The following CACNA1H variants were observed in gnomAD, a reference collection of about 807,000 sequenced individuals.
CACNA1H encodes the protein voltage-dependent T-type calcium channel subunit alpha-1H.
In CACNA1H, 149 loss-of-function variants were observed where a neutral mutation model predicts 192.5. The observed-to-expected ratio is 0.77, with a 90% CI of 0.68 to 0.89. The LOEUF (loss-of-function observed/expected upper bound fraction) is 0.89, where lower values mean the gene tolerates loss of function less well. Among genes scored for constraint, CACNA1H ranks in the 40% least tolerant of loss-of-function variants. The probability of loss-of-function intolerance (pLI) is 0.00; values close to 1 mark genes in which losing one functional copy is unlikely to be tolerated. For synonymous variants in CACNA1H, 2,202 were observed against 1,475.2 expected, an observed-to-expected ratio of 1.49 and a Z score of -11.29; for missense variants, 4,257 against 3,423.5, an observed-to-expected ratio of 1.24 and a Z score of -6.08.
At chr16:1,196,678 G>C (rs1025727329) in intron 5 of CACNA1H, among the ~76,000 whole-genome samples, 1 of 152,208 alleles carries the variant, frequency 6.6e-6, no homozygotes, top group African/African-American at 2.4e-5. Context: ...TGAGGAGGGG[G>C]CCTGGTGGAG....
At chr16:1,174,208 C>T (rs1964644124) in intron 2 of CACNA1H, among the ~76,000 whole-genome samples, 1 of 152,292 alleles carries the variant, frequency 6.6e-6, no homozygotes, top group African/African-American at 2.4e-5. Context: ...GTTTGCTCCT[C>T]CCTCTCATGG....
intron 2 of CACNA1H, among the ~76,000 whole-genome samples, chr16:1,182,762 C>T (rs980386718): frequency 6.6e-6 from 1 of 152,126 alleles, no homozygotes; most frequent in Non-Finnish European, 1.5e-5. Context: ...CTCGCAGCCC[C>T]CCGACGAGGC....
chr16:1,217,372 T>A (rs1970113627), intron 31 of CACNA1H, among the ~76,000 whole-genome samples: 1 of 152,194 alleles, frequency 6.6e-6, no homozygotes, highest in South Asian at 2.1e-4. Flanking sequence ...GAGACAAATG[T>A]TGGCTGTCTC....
At chr16:1,203,887 G>A (rs1228777925) in intron 9 of CACNA1H, 123 bp from the exon 10 acceptor site, 1 of 676,018 alleles carries the variant, frequency 1.5e-6, no homozygotes, top group African/African-American at 1.8e-5. Flanking sequence ...CTGGAGGTTG[G>A]ACTCTGGATG....
intron 2 of CACNA1H, 88 bp downstream of exon 2, chr16:1,154,124 C>A: frequency 9.5e-7 from 1 of 1,057,290 alleles, no homozygotes; most frequent in Non-Finnish European, 1.2e-6. Context: ...GCATGCGCCC[C>A]CGCGCGCCCC....
chr16:1,169,295 A>G (rs1964123374), intron 2 of CACNA1H, among the ~76,000 whole-genome samples: 1 of 152,044 alleles, frequency 6.6e-6, no homozygotes, highest in Non-Finnish European at 1.5e-5. Flanking sequence ...AATCTGCCCC[A>G]AACAGCACTT....
chr16:1,176,161 C>G (rs1309452778), intron 2 of CACNA1H, among the ~76,000 whole-genome samples: 1 of 152,254 alleles, frequency 6.6e-6, no homozygotes, highest in Non-Finnish European at 1.5e-5. Context: ...CAGCCTAACC[C>G]ATTAAACATA....
chr16:1,174,513 G>GGGGA (rs1274389656), intron 2 of CACNA1H, among the ~76,000 whole-genome samples: 2 of 152,078 alleles, frequency 1.3e-5, no homozygotes, highest in Non-Finnish European at 2.9e-5. Flanking sequence ...GTGTGGCCAT[G>GGGGA]GGGAGGGAGG....
chr16:1,207,967 G>C, intron 15 of CACNA1H, 46 bp from the exon 16 acceptor site: 1 of 1,557,960 alleles, frequency 6.4e-7, no homozygotes, highest in Non-Finnish European at 8.7e-7. Context: ...TCCTGGTCCT[G>C]GGAGCCTGGC....
intron 2 of CACNA1H, among the ~76,000 whole-genome samples, chr16:1,158,440 G>A (rs1333829510): frequency 3.3e-5 from 5 of 152,152 alleles, no homozygotes; most frequent in African/African-American, 7.2e-5. Context: ...AGAGGCCCCC[G>A]GGGATGATGG....
intron 13 of CACNA1H, 49 bp downstream of exon 13, chr16:1,207,167 C>A (rs1384691410): frequency 6.4e-7 from 1 of 1,551,270 alleles, no homozygotes; most frequent in Non-Finnish European, 8.7e-7. Flanking sequence ...GTGTGGTCCC[C>A]AGAGAGGTGG....
At position 1,218,524 on chromosome 16, in the gene CACNA1H, C is replaced by G. The variant is rs144424401; in HGVS notation, c.5760C>G (p.Ser1920=). 9.6e-6 allele frequency: 15 copies of G among 1,554,702 alleles called. No individual in the cohort carries two copies. The highest frequency in any genetic ancestry group is 1.3e-5 in the Non-Finnish European group (15 of 1,149,506). The change falls in exon 33 of 35, where the codon TCC becomes TCG. Residue 1920 remains serine (S), a synonymous_variant. Transcript: ENST00000348261. ...DAPNLVARKV[S]VSRMLSLPND... Reference sequence around the variant, plus strand: ...CAAACCTGGTTGCACGCAAGGTGTCCGTGTCCAGGATGCTCTCGCTGCCCA... The same window carrying G: ...CAAACCTGGTTGCACGCAAGGTGTCGGTGTCCAGGATGCTCTCGCTGCCCA...
At chr16:1,194,002 G>A (rs1201695909) in intron 2 of CACNA1H, among the ~76,000 whole-genome samples, 2 of 152,252 alleles carry the variant, frequency 1.3e-5, no homozygotes, top group African/African-American at 4.8e-5. Context: ...AGCGTGGCCC[G>A]TGTTGGGCAG....
At chr16:1,176,428 C>T (rs1964896276) in intron 2 of CACNA1H, among the ~76,000 whole-genome samples, 1 of 152,218 alleles carries the variant, frequency 6.6e-6, no homozygotes, top group Admixed American at 6.5e-5. Context: ...CTCTCGGCAG[C>T]ACCAGGGTCT....
chr16:1,186,867 C>G (rs567058400), intron 2 of CACNA1H, among the ~76,000 whole-genome samples: 102 of 152,292 alleles, frequency 6.7e-4, no homozygotes, highest in African/African-American at 2.3e-3. Context: ...GCGGTCCGTC[C>G]CACTCCCGTG....
chr16:1,194,975 G>T lies in CACNA1H; in HGVS notation c.303G>T (p.Trp101Cys), dbSNP rs1555508713. Residue 101 changes from tryptophan to cysteine, a missense_variant, in exon 3 of 35, where the codon TGG becomes TGT. Trp to Cys is a radical substitution (Grantham distance 215). Transcript: ENST00000348261. ...SWCLRLVCNP[W>C]FEHVSMLVIM... is the part of the protein sequence containing the mutation. ...GCTCCTTAACCCGCGGCGACACATG[G>T]TTCGAGCACGTGAGCATGCTGGTAA... 1.9e-6 allele frequency: 3 copies of T among 1,610,750 alleles called. No individual in the cohort carries two copies. Among genetic ancestry groups the T allele is most frequent in the Non-Finnish European group, 2.5e-6 (3 of 1,178,298 alleles).
chr16:1,196,015 G>C lies in CACNA1H; in HGVS notation c.635G>C (p.Arg212Pro). Residue 212 changes from arginine to proline, a missense_variant, in exon 5 of 35, where the codon CGC becomes CCC. Transcript: ENST00000348261. Reference protein sequence around the residue: ...RVLRPLRAINRVPSMRILVTL... With the variant: ...RVLRPLRAINPVPSMRILVTL... ...CTGCGGCCCCTCCGCGCCATCAACC[G>C]CGTGCCTAGTAAGTGACCGGCCCCG... The C allele has an allele frequency of 6.2e-7, 1 of 1,612,542 alleles. No individual in the cohort carries two copies. The highest frequency in any genetic ancestry group is 8.5e-7 in the Non-Finnish European group (1 of 1,179,476).
chr16:1,212,292 C>T (rs1039060593), intron 25 of CACNA1H, 154 bp downstream of exon 25: 6 of 1,277,262 alleles, frequency 4.7e-6, no homozygotes, highest in African/African-American at 1.5e-5. Context: ...CTTGGAGGGG[C>T]TGGCCCGAGA....
intron 2 of CACNA1H, among the ~76,000 whole-genome samples, chr16:1,178,444 G>A (rs1251224388): frequency 6.6e-6 from 1 of 151,790 alleles, no homozygotes; most frequent in Admixed American, 6.6e-5. Flanking sequence ...GAATGTGACT[G>A]TATTTGGAGA....
Sources: allele counts gnomAD v4.1 joint callset (sites outside exome capture counted in the v4.1 genomes callset), GRCh38; gene constraint gnomAD v4.1.1; transcripts MANE v1.5; gene names NCBI Gene and HGNC (gene_info 2026-07-23, HGNC 2026-07-21).